DNAL1: variants seen among roughly 807,000 people sequenced by gnomAD.
DNAL1 encodes dynein axonemal light chain 1.
A neutral mutation model predicts 29.4 loss-of-function variants in DNAL1; 17 were observed. That is an observed-to-expected ratio of 0.58 (90% CI 0.40 to 0.87). DNAL1 has a LOEUF of 0.87. Ranked by LOEUF, DNAL1 falls within the 40% of genes least tolerant of loss-of-function variation. The pLI is 0.00. For synonymous variants in DNAL1, 78 were observed against 76.3 expected (o/e 1.02, Z -0.12); for missense variants, 188 against 214.1 (o/e 0.88, Z 0.76).
chr14:73,673,962 G>T (rs147078242), intron 5 of DNAL1, among the ~76,000 whole-genome samples: 451 of 150,860 alleles, frequency 3.0e-3, no homozygotes, highest in African/African-American at 0.011. Flanking sequence ...CATACTAGAT[G>T]ACTTATTCAT....
At chr14:73,689,286 C>T (rs770808028) in intron 6 of DNAL1, 89 bp from the exon 7 acceptor site, 147 of 1,462,466 alleles carry the variant, frequency 1.0e-4, no homozygotes, top group Middle Eastern at 3.5e-4. Flanking sequence ...CCCGCCTTGT[C>T]CCCCCAAAGT....
Position 73,702,674 on chromosome 14 carries a change from C to T in DNAL1, c.*6732C>T, listed in dbSNP as rs1356400064. On this transcript the variant is annotated 3_prime_UTR_variant, in exon 8 of 8. Transcript: ENST00000553645. ...GCCCTGAATTGAGAAAAAGGAATCA[C>T]CAAGCAATATCCGTAACATTACACA... 2.0e-5 allele frequency: 3 copies of T among 152,124 alleles called. No individual in the cohort carries two copies. Among genetic ancestry groups the T allele is most frequent in the African/African-American group, 7.2e-5 (3 of 41,420 alleles). 9.4% of individuals were successfully genotyped at this position (152,124 alleles called of 1,614,324 possible).
intron 5 of DNAL1, among the ~76,000 whole-genome samples, chr14:73,685,817 GT>G (rs996044427): frequency 6.6e-6 from 1 of 151,960 alleles, no homozygotes; most frequent in Non-Finnish European, 1.5e-5. Flanking sequence ...ACCATGTTTT[GT>G]TTATCCGTTT....
At chr14:73,656,247 T>A (rs1020038048) in intron 2 of DNAL1, among the ~76,000 whole-genome samples, 3 of 152,154 alleles carry the variant, frequency 2.0e-5, no homozygotes, top group Non-Finnish European at 4.4e-5. Context: ...TATAATTTAT[T>A]TCTGTTTTGT....
At chr14:73,662,826 T>G (rs11846921) in intron 4 of DNAL1, among the ~76,000 whole-genome samples, 24,826 of 133,490 alleles carry the variant, frequency 0.19, 1,733 homozygotes, top group African/African-American at 0.32. Flanking sequence ...TTTTTTTTTT[T>G]GCCATATAAG....
At chr14:73,683,936 G>T (rs1482695332) in intron 5 of DNAL1, among the ~76,000 whole-genome samples, 1 of 151,780 alleles carries the variant, frequency 6.6e-6, no homozygotes. Context: ...CAAACTCCTG[G>T]CCTCAAGTGA....
chr14:73,696,137 A>G lies in DNAL1; in HGVS notation c.*195A>G, dbSNP rs1729616078. On this transcript the variant is annotated 3_prime_UTR_variant, in exon 8 of 8. Coordinates refer to ENST00000553645, the MANE Select transcript of DNAL1 (RefSeq NM_031427.4). The stretch of plus-strand genomic sequence containing the variant: ...CCAAAACTGGTAATGCCAACCTTAT[A>G]TATCCTATTTCTCTTTTTAGAAACC... 5 of 553,628 alleles carry G rather than the reference A, an allele frequency of 9.0e-6. No homozygotes were observed. Among genetic ancestry groups the G allele is most frequent in the Non-Finnish European group, 1.5e-5 (5 of 326,120 alleles). 34.3% of individuals were successfully genotyped at this position (553,628 alleles called of 1,614,324 possible). A position where few individuals can be genotyped will look rare whatever the true frequency, so the allele number is the denominator to read the frequency against.
At chr14:73,688,034 G>C (rs62004933) in intron 6 of DNAL1, among the ~76,000 whole-genome samples, 33,648 of 151,622 alleles carry the variant, frequency 0.22, 4,995 homozygotes, top group Non-Finnish European at 0.33. Flanking sequence ...AAAAAATTAG[G>C]ATGAACGTAA....
intron 7 of DNAL1, among the ~76,000 whole-genome samples, chr14:73,691,332 T>C (rs770262315): frequency 3.3e-5 from 5 of 152,000 alleles, no homozygotes; most frequent in Non-Finnish European, 7.4e-5. Context: ...GGAGGATCAC[T>C]TGAGGTCAGG....
intron 5 of DNAL1, among the ~76,000 whole-genome samples, chr14:73,681,861 C>T (rs1891895552): frequency 6.6e-6 from 1 of 151,408 alleles, no homozygotes; most frequent in Non-Finnish European, 1.5e-5. Flanking sequence ...GCCTGTAATC[C>T]CAGCACTTTG....
In DNAL1 at chr14:73,644,996, C is replaced by G. The variant is rs1365230277; in HGVS notation, c.-44C>G. On this transcript the variant is annotated 5_prime_UTR_variant, in exon 1 of 8. Transcript: ENST00000553645. ...GAGAAGTGCGCACGCGCACTGACCC[C>G]GCGGGCCCTAGCAACCAGAGCAGTG... 2 of 1,605,240 alleles carry G rather than the reference C, an allele frequency of 1.2e-6. No individual in the cohort carries two copies. Among genetic ancestry groups the G allele is most frequent in the South Asian group, 2.2e-5 (2 of 89,128 alleles).
In DNAL1 at chr14:73,680,855, A is replaced by G. The variant is rs74498614; in HGVS notation, c.265-6404A>G. ...TTGCTCCTAGGCGACAAACCTGCTC[A>G]GCATATCACTGTACTGAGTGCTGCA... is the stretch of plus-strand genomic sequence containing the variant. On this transcript the variant is annotated intron_variant, in intron 5 of 7. Coordinates refer to ENST00000553645, the MANE Select transcript of DNAL1 (RefSeq NM_031427.4). 8.0e-3 allele frequency among the ~76,000 whole-genome samples: 1,226 copies of G among 152,332 alleles called. 23 individuals are homozygous for G. The highest frequency in any genetic ancestry group is 0.028 in the African/African-American group (1,162 of 41,570).
chr14:73,645,012 C>G lies in DNAL1; in HGVS notation c.-28C>G, dbSNP rs890975989. 5 of 1,608,654 alleles carry G rather than the reference C, an allele frequency of 3.1e-6. No homozygotes were observed. The Admixed American group carries it at 8.4e-5, about 27-fold the overall frequency. ...CACTGACCCCGCGGGCCCTAGCAAC[C>G]AGAGCAGTGACAGTAGCAACCGCCG... On this transcript the variant is annotated 5_prime_UTR_variant, in exon 1 of 8. Coordinates refer to ENST00000553645, the MANE Select transcript of DNAL1 (RefSeq NM_031427.4).
chr14:73,681,397 A>T (rs1407276952), intron 5 of DNAL1, among the ~76,000 whole-genome samples: 1 of 150,590 alleles, frequency 6.6e-6, no homozygotes, highest in East Asian at 1.9e-4. Flanking sequence ...GGCCTCCCAA[A>T]GTGCTGGGAT....
intron 1 of DNAL1, among the ~76,000 whole-genome samples, chr14:73,648,325 A>G (rs1466129641): frequency 1.4e-5 from 2 of 144,666 alleles, no homozygotes; most frequent in East Asian, 4.0e-4. Flanking sequence ...AACTTTTGCC[A>G]ATCCGAGGGT....
rs1290134866 is a variant in DNAL1 at position 73,671,558 on chromosome 14, A to G, written c.225A>G (p.Leu75=). The change falls in exon 5 of 8, where the codon TTA becomes TTG. Residue 75 remains leucine, a synonymous_variant. Transcript: ENST00000553645. ...NLNGLKNLRI[L]SLGRNNIKNL... is the part of the protein sequence containing the mutation. ...TCACTACAGAAAACTTGAGGATATT[A>G]TCTTTAGGAAGAAACAACATAAAGA... The G allele has an allele frequency of 6.0e-6, 9 of 1,493,962 alleles. No homozygotes were observed. Among genetic ancestry groups the G allele is most frequent in the Non-Finnish European group, 8.1e-6 (9 of 1,116,504 alleles). The allele number at this position is 1,493,962 out of a possible 1,614,324, so 92.5% of individuals were successfully genotyped here.
intron 1 of DNAL1, among the ~76,000 whole-genome samples, chr14:73,650,689 T>A (rs1488759939): frequency 6.6e-6 from 1 of 152,168 alleles, no homozygotes; most frequent in Non-Finnish European, 1.5e-5. Flanking sequence ...GTGCCCAGGC[T>A]GTTCTCAAAC....
chr14:73,649,541 C>G (rs1891067341), intron 1 of DNAL1, among the ~76,000 whole-genome samples: 2 of 152,068 alleles, frequency 1.3e-5, no homozygotes, highest in African/African-American at 2.4e-5. Context: ...CTCAGCCTCC[C>G]AAAGTGCTGG....
intron 4 of DNAL1, among the ~76,000 whole-genome samples, chr14:73,662,733 T>C (rs1000889723): frequency 1.3e-5 from 2 of 152,260 alleles, no homozygotes; most frequent in African/African-American, 2.4e-5. Flanking sequence ...ATACATGTGA[T>C]TGCATTAGGG....
Sources: allele counts gnomAD v4.1 joint callset (sites outside exome capture counted in the v4.1 genomes callset), GRCh38; gene constraint gnomAD v4.1.1; transcripts MANE v1.5; gene names NCBI Gene and HGNC (gene_info 2026-07-23, HGNC 2026-07-21).